KYNU: variants seen among roughly 807,000 people sequenced by gnomAD.
KYNU encodes the protein kynureninase.
In KYNU, 54 loss-of-function variants were observed where a neutral mutation model predicts 59.2. The observed-to-expected ratio is 0.91, with a 90% CI of 0.73 to 1.14. The LOEUF (loss-of-function observed/expected upper bound fraction) is 1.14. Among genes scored for constraint, KYNU ranks in the 50% most tolerant of loss-of-function variants. KYNU has a pLI of 0.00. For missense variants in KYNU, 567 were observed against 554.4 expected (o/e 1.02, Z -0.23); for synonymous variants, 177 against 192.0 (o/e 0.92, Z 0.65).
intron 3 of KYNU, among the ~76,000 whole-genome samples, chr2:142,924,073 T>G (rs1420578918): frequency 6.6e-6 from 1 of 152,156 alleles, no homozygotes; most frequent in African/African-American, 2.4e-5. Context: ...GTTACAAAGA[T>G]TTTTCACAAC....
chr2:142,916,043 C>G (rs956947515), intron 2 of KYNU, among the ~76,000 whole-genome samples: 3 of 152,106 alleles, frequency 2.0e-5, no homozygotes, highest in African/African-American at 7.2e-5. Flanking sequence ...AGAACATATT[C>G]TTCCATCACA....
chr2:142,916,407 A>G (rs1241470533), intron 2 of KYNU, among the ~76,000 whole-genome samples: 1 of 152,182 alleles, frequency 6.6e-6, no homozygotes, highest in Non-Finnish European at 1.5e-5. Context: ...TTTTAATCCT[A>G]TCATAACAAA....
chr2:143,025,814 A>G (rs1686536847), intron 10 of KYNU, among the ~76,000 whole-genome samples: 1 of 152,164 alleles, frequency 6.6e-6, no homozygotes, highest in African/African-American at 2.4e-5. Context: ...GAAACGAGAG[A>G]ATATATATTA....
chr2:142,960,482 G>T, intron 7 of KYNU, 142 bp from the exon 8 acceptor site: 2 of 604,800 alleles, frequency 3.3e-6, no homozygotes, highest in Non-Finnish European at 5.5e-6. Context: ...CTGCTCTTAT[G>T]CCAGATTTTT....
chr2:142,917,703 G>A (rs1182758788), intron 2 of KYNU, among the ~76,000 whole-genome samples: 1 of 152,136 alleles, frequency 6.6e-6, no homozygotes, highest in African/African-American at 2.4e-5. Context: ...GCACACATGT[G>A]TAAACAATAT....
chr2:142,894,253 C>T (rs1396225939), intron 2 of KYNU, among the ~76,000 whole-genome samples: 2 of 152,100 alleles, frequency 1.3e-5, no homozygotes, highest in Non-Finnish European at 2.9e-5. Context: ...TCTCCATCTT[C>T]TTCCTGAAAT....
chr2:143,017,850 A>G (rs1482559233), intron 10 of KYNU, among the ~76,000 whole-genome samples: 1 of 151,664 alleles, frequency 6.6e-6, no homozygotes. Context: ...ATGTTTGTTG[A>G]CCAATTGTAT....
chr2:143,043,357 T>A lies in KYNU; in HGVS notation c.*1185T>A, dbSNP rs1216771712. ...TAGTTTTCAATTGTTGATGCCACAA[T>A]CATTATTTATAAGTTGACAAAATAG... On this transcript the variant is annotated 3_prime_UTR_variant, in exon 14 of 14. Coordinates refer to ENST00000264170, the MANE Select transcript of KYNU (RefSeq NM_003937.3). 1 of 152,050 alleles carries A rather than the reference T, an allele frequency of 6.6e-6. No individual in the cohort carries two copies. The highest frequency in any genetic ancestry group is 1.9e-4 in the East Asian group (1 of 5,196). 9.4% of individuals were successfully genotyped at this position (152,050 alleles called of 1,614,324 possible).
chr2:143,007,870 C>T, intron 10 of KYNU, among the ~76,000 whole-genome samples: 1 of 114,604 alleles, frequency 8.7e-6, no homozygotes, highest in African/African-American at 4.0e-5. Flanking sequence ...GAGATTTTGT[C>T]ACCACCAGGC....
chr2:142,898,315 C>A (rs751648690), intron 2 of KYNU, among the ~76,000 whole-genome samples: 1 of 151,576 alleles, frequency 6.6e-6, no homozygotes, highest in Admixed American at 6.6e-5. Flanking sequence ...GCAATTGCTG[C>A]AGCCAATCCC....
chr2:142,895,226 C>T (rs1043327416), intron 2 of KYNU, among the ~76,000 whole-genome samples: 1 of 152,114 alleles, frequency 6.6e-6, no homozygotes, highest in Non-Finnish European at 1.5e-5. Flanking sequence ...CACACCTTCT[C>T]TCAGTATATA....
At chr2:142,931,822 A>G (rs558335122) in intron 4 of KYNU, among the ~76,000 whole-genome samples, 5 of 152,290 alleles carry the variant, frequency 3.3e-5, no homozygotes, top group East Asian at 3.9e-4. Flanking sequence ...AGAGATGTAG[A>G]GACACCTTGA....
At chr2:142,899,715 T>G (rs985465356) in intron 2 of KYNU, among the ~76,000 whole-genome samples, 1 of 152,180 alleles carries the variant, frequency 6.6e-6, no homozygotes, top group Non-Finnish European at 1.5e-5. Context: ...TGAAGAATGA[T>G]TTGTAGTTTT....
rs1687162466 is a variant in KYNU, at chr2:143,046,164, T to C, written c.*3992T>C. On this transcript the variant is annotated 3_prime_UTR_variant, in exon 14 of 14. Transcript: ENST00000264170. ...TCTGCTCCCTCCCCAAATCCACAGA[T>C]AACCATCGAATTATATTTTGTTTTC... is the stretch of plus-strand genomic sequence containing the variant. The C allele has an allele frequency of 6.6e-6, 1 of 152,190 alleles. No homozygotes were observed. Among genetic ancestry groups the C allele is most frequent in the African/African-American group, 2.4e-5 (1 of 41,454 alleles). 9.4% of individuals were successfully genotyped at this position (152,190 alleles called of 1,614,324 possible).
chr2:143,012,031 T>A, intron 10 of KYNU, among the ~76,000 whole-genome samples: 1 of 142,900 alleles, frequency 7.0e-6, no homozygotes, highest in Non-Finnish European at 1.5e-5. Context: ...ACCTGCACAA[T>A]GTGCACATAT....
intron 8 of KYNU, among the ~76,000 whole-genome samples, chr2:142,969,904 C>A (rs763444524): frequency 1.3e-5 from 2 of 152,122 alleles, no homozygotes; most frequent in Admixed American, 1.3e-4. Flanking sequence ...TTGAATATTC[C>A]ATTTTTCATG....
At chr2:143,040,098 C>A (rs538147547) in intron 12 of KYNU, among the ~76,000 whole-genome samples, 2 of 152,062 alleles carry the variant, frequency 1.3e-5, no homozygotes, top group Non-Finnish European at 2.9e-5. Context: ...TGTAACCACT[C>A]GGTCAGTACT....
chr2:142,885,228 A>G, intron 1 of KYNU, 121 bp from the exon 2 acceptor site: 2 of 766,134 alleles, frequency 2.6e-6, no homozygotes, highest in South Asian at 1.5e-5. Flanking sequence ...TTGGTTAAGT[A>G]TATTATTCCT....
At chr2:142,996,311 G>A (rs946945131) in intron 10 of KYNU, among the ~76,000 whole-genome samples, 7 of 152,120 alleles carry the variant, frequency 4.6e-5, no homozygotes, top group Non-Finnish European at 7.4e-5. Flanking sequence ...AAAGCAGAAA[G>A]TCTATACCTA....
Sources: allele counts gnomAD v4.1 joint callset (sites outside exome capture counted in the v4.1 genomes callset), GRCh38; gene constraint gnomAD v4.1.1; transcripts MANE v1.5; gene names NCBI Gene and HGNC (gene_info 2026-07-23, HGNC 2026-07-21).